The following HTR3B variants were observed in gnomAD, a reference collection of about 807,000 sequenced individuals.
HTR3B encodes the protein 5-hydroxytryptamine (serotonin) receptor 3B, ionotropic.
In HTR3B, 44 loss-of-function variants were observed where a neutral mutation model predicts 42.8. That is an observed-to-expected ratio of 1.03 (90% CI 0.81 to 1.32). HTR3B has a LOEUF of 1.32. Among genes scored for constraint, HTR3B ranks in the 40% most tolerant of loss-of-function variants. The pLI is 0.00. For synonymous variants in HTR3B, 203 were observed against 209.0 expected (o/e 0.97, Z 0.25); for missense variants, 527 against 536.5 (o/e 0.98, Z 0.17).
upstream of HTR3B, among the ~76,000 whole-genome samples, chr11:113,900,140 C>A (rs1029947829): frequency 3.9e-5 from 6 of 151,966 alleles, no homozygotes; most frequent in African/African-American, 1.4e-4. Flanking sequence ...CACCTGTAGT[C>A]CCAGCTACTC....
intron 8 of HTR3B, 88 bp from the exon 9 acceptor site, chr11:113,945,814 G>A: frequency 1.1e-6 from 1 of 920,938 alleles, no homozygotes; most frequent in Admixed American, 2.0e-5. Context: ...AACTTTCCTT[G>A]AAGGATGAGG....
At chr11:113,913,571 A>G (rs914567658) in intron 2 of HTR3B, among the ~76,000 whole-genome samples, 14 of 151,320 alleles carry the variant, frequency 9.3e-5, no homozygotes, top group Middle Eastern at 3.2e-3. Context: ...CTGGAGTGCA[A>G]TGGCGCAATC....
In HTR3B at chr11:113,909,304, C is replaced by T. The variant is rs745855340; in HGVS notation, c.62C>T (p.Ala21Val). 3.1e-6 allele frequency: 5 copies of T among 1,611,764 alleles called. No homozygotes were observed. Among genetic ancestry groups the T allele is most frequent in the Non-Finnish European group, 3.4e-6 (4 of 1,177,876 alleles). ...ATAGTTTATTTTCCAGGAATTCTAG[C>T]CACAGATACACATCATCCCCAGGAT... ...ACILVAAGIL[A>V]TDTHHPQDSA... The change falls in exon 2 of 9, where the codon GCC becomes GTC. Residue 21 changes from alanine (A) to valine (V), a missense_variant. Coordinates refer to ENST00000260191, the MANE Select transcript of HTR3B (RefSeq NM_006028.5).
chr11:113,916,050 T>A (rs1949849936), intron 2 of HTR3B, among the ~76,000 whole-genome samples: 1 of 152,214 alleles, frequency 6.6e-6, no homozygotes, highest in Non-Finnish European at 1.5e-5. Context: ...TTGGCCAGGC[T>A]GGTCTCTAAC....
At chr11:113,916,721 TTAA>T (rs1313041358) in intron 2 of HTR3B, among the ~76,000 whole-genome samples, 3 of 152,246 alleles carry the variant, frequency 2.0e-5, no homozygotes, top group Admixed American at 6.5e-5. Context: ...ATTTCTTTTA[TTAA>T]TGTTTCATCA....
At chr11:113,924,945 C>T (rs1051635883) in intron 2 of HTR3B, among the ~76,000 whole-genome samples, 3 of 152,196 alleles carry the variant, frequency 2.0e-5, no homozygotes, top group Admixed American at 2.0e-4. Context: ...AATGCCTTCT[C>T]TTTCTCAAAG....
chr11:113,911,739 G>T (rs1279254197), intron 2 of HTR3B, among the ~76,000 whole-genome samples: 3 of 151,972 alleles, frequency 2.0e-5, no homozygotes, highest in Non-Finnish European at 4.4e-5. Flanking sequence ...TGTTGGTCAG[G>T]CTGGTGTTGA....
At chr11:113,899,208 T>C in the HTR3B span, among the ~76,000 whole-genome samples, 2 of 152,220 alleles carry the variant, frequency 1.3e-5, no homozygotes, top group African/African-American at 2.4e-5. Flanking sequence ...TTTATTTGTT[T>C]ACTTTTTAAG....
intron 8 of HTR3B, 72 bp from the exon 9 acceptor site, chr11:113,945,830 A>T: frequency 1.9e-6 from 2 of 1,052,228 alleles, no homozygotes; most frequent in Non-Finnish European, 2.9e-6. Flanking sequence ...TGAGGCCATC[A>T]GCTTCAAGAG....
Position 113,944,733 on chromosome 11 carries a change from G to A in HTR3B, c.1068G>A (p.Arg356=). 3 of 1,614,048 alleles carry A rather than the reference G, an allele frequency of 1.9e-6. No individual in the cohort carries two copies. Among genetic ancestry groups the A allele is most frequent in the Non-Finnish European group, 2.5e-6 (3 of 1,179,972 alleles). Residue 356 remains arginine (R), a synonymous_variant, in exon 8 of 9, where the codon AGG becomes AGA. Coordinates refer to ENST00000260191, the MANE Select transcript of HTR3B (RefSeq NM_006028.5). ...TDADRPRVEP[R]AQRAVVTESS... ...CTGACAGGCCTAGAGTGGAACCCAG[G>A]GCCCAACGTGCTGTGGTAACAGGTG...
chr11:113,925,896 C>A (rs61907893), intron 2 of HTR3B, among the ~76,000 whole-genome samples: 8,054 of 152,048 alleles, frequency 0.053, 274 homozygotes, highest in African/African-American at 0.081. Context: ...CCACAAAATT[C>A]ACCAATTTAA....
Position 113,946,083 on chromosome 11 carries a change from G to A in HTR3B, c.1272G>A (p.Leu424=). Residue 424 remains leucine (L), a synonymous_variant, in exon 9 of 9, where the codon CTG becomes CTA. Transcript: ENST00000260191. ...RLLFQSYLFM[L]GIYTITLCSL... is the part of the protein sequence containing the mutation. The stretch of plus-strand genomic sequence containing the variant: ...TCTTCCAAAGCTACCTTTTCATGCT[G>A]GGGATCTACACCATCACTCTGTGCT... 1.3e-6 allele frequency: 2 copies of A among 1,565,710 alleles called. No individual in the cohort carries two copies. Among genetic ancestry groups the A allele is most frequent in the Non-Finnish European group, 1.7e-6 (2 of 1,156,014 alleles).
intron 2 of HTR3B, among the ~76,000 whole-genome samples, chr11:113,920,057 T>G (rs1486643498): frequency 6.6e-6 from 1 of 152,104 alleles, no homozygotes; most frequent in African/African-American, 2.4e-5. Context: ...AGATGGAGTT[T>G]CACTCTTGTT....
At chr11:113,902,329 T>G (rs1247536456), upstream of HTR3B, among the ~76,000 whole-genome samples, 2 of 152,092 alleles carry the variant, frequency 1.3e-5, no homozygotes, top group Admixed American at 1.3e-4. Flanking sequence ...CAGAGTCTCA[T>G]TCTGTCGCCC....
At chr11:113,928,150 T>C (rs1477055172) in intron 2 of HTR3B, among the ~76,000 whole-genome samples, 1 of 152,200 alleles carries the variant, frequency 6.6e-6, no homozygotes. Context: ...TTTCTCTTCC[T>C]ATGTTAGTTT....
intron 7 of HTR3B, among the ~76,000 whole-genome samples, chr11:113,944,218 C>T (rs1476948832): frequency 1.3e-5 from 2 of 152,072 alleles, no homozygotes; most frequent in Non-Finnish European, 2.9e-5. Context: ...CGGGGTTTCA[C>T]TATGTTGGCC....
At position 113,946,014 on chromosome 11, in the gene HTR3B, G is replaced by A. The variant is rs867601895; in HGVS notation, c.1203G>A (p.Gln401=). 2 of 1,613,932 alleles carry A rather than the reference G, an allele frequency of 1.2e-6. No homozygotes were observed. The highest frequency in any genetic ancestry group is 2.2e-5 in the South Asian group (2 of 91,080). Residue 401 remains glutamine, a synonymous_variant, in exon 9 of 9, where the codon CAG becomes CAA. Transcript: ENST00000260191. ...AAACTCAGGACCAGACAGACCAACAGGAGGCAGAGTGGCTGGTCCTCCTGT... is the reference window on the plus strand; with the variant it reads ...AAACTCAGGACCAGACAGACCAACAAGAGGCAGAGTGGCTGGTCCTCCTGT... ...YLQTQDQTDQ[Q]EAEWLVLLSR... is the part of the protein sequence containing the mutation.
At chr11:113,916,071 A>G (rs1402164908) in intron 2 of HTR3B, among the ~76,000 whole-genome samples, 1 of 152,218 alleles carries the variant, frequency 6.6e-6, no homozygotes, top group East Asian at 1.9e-4. Context: ...TCCTGATCTC[A>G]GGTAATCTAC....
chr11:113,935,599 C>G (rs1374846454), intron 6 of HTR3B, among the ~76,000 whole-genome samples: 1 of 152,190 alleles, frequency 6.6e-6, no homozygotes, highest in African/African-American at 2.4e-5. Context: ...GTGCACAGAG[C>G]CTAGGCTCAT....
Sources: allele counts gnomAD v4.1 joint callset (sites outside exome capture counted in the v4.1 genomes callset), GRCh38; gene constraint gnomAD v4.1.1; transcripts MANE v1.5; gene names NCBI Gene and HGNC (gene_info 2026-07-23, HGNC 2026-07-21).